The following DOCK7 variants were observed in gnomAD, a reference collection of about 807,000 sequenced individuals.
The protein encoded by DOCK7 is dedicator of cytokinesis protein 7.
A neutral mutation model predicts 271.0 loss-of-function variants in DOCK7; 138 were observed. The observed-to-expected ratio is 0.51, with a 90% confidence interval of 0.44 to 0.59. The LOEUF is 0.59. Among genes scored for constraint, DOCK7 ranks in the 20% least tolerant of loss-of-function variants. The probability of loss-of-function intolerance (pLI) is 0.00; values close to 1 mark genes in which losing one functional copy is unlikely to be tolerated. For missense variants in DOCK7, 2,066 were observed against 2,592.4 expected, an observed-to-expected ratio of 0.80 and a Z score of 4.41; for synonymous variants, 823 against 876.1, an observed-to-expected ratio of 0.94 and a Z score of 1.07.
intron 14 of DOCK7, among the ~76,000 whole-genome samples, chr1:62,602,758 C>G (rs1349163085): frequency 6.6e-6 from 1 of 151,354 alleles, no homozygotes; most frequent in East Asian, 1.9e-4. Flanking sequence ...CTCTCATTAA[C>G]GTTTTACATA....
At chr1:62,523,533 T>C (rs767648131) in intron 31 of DOCK7, among the ~76,000 whole-genome samples, 12 of 152,122 alleles carry the variant, frequency 7.9e-5, no homozygotes, top group Non-Finnish European at 1.0e-4. Context: ...AAATAAGATA[T>C]AGAAAATATT....
intron 1 of DOCK7, among the ~76,000 whole-genome samples, chr1:62,674,090 AAAC>A (rs1454745591): frequency 2.0e-5 from 3 of 152,226 alleles, no homozygotes; most frequent in Admixed American, 6.5e-5. Flanking sequence ...TAGAAATACT[AAAC>A]AAGTTCAGCA....
In DOCK7 at chr1:62,577,307, G is replaced by A; in HGVS notation, c.2067C>T (p.Val689=). 6.3e-7 allele frequency: 1 copy of A among 1,592,308 alleles called. No homozygotes were observed. The highest frequency in any genetic ancestry group is 8.6e-7 in the Non-Finnish European group (1 of 1,166,958). ...RLKTGQFCLP[V]SLEKPPQAYS... is the part of the protein sequence containing the mutation. The stretch of plus-strand genomic sequence containing the variant: ...AAGCCTGTGGTGGTTTTTCCAATGA[G>A]ACTGGCAAGCAAAACTGGCCAGTCT... Residue 689 remains valine, a synonymous_variant, in exon 18 of 50, where the codon GTC becomes GTT. Coordinates refer to ENST00000635253, the MANE Select transcript of DOCK7 (RefSeq NM_001367561.1).
chr1:62,525,093 C>T (rs1644967756), intron 31 of DOCK7, among the ~76,000 whole-genome samples: 1 of 151,416 alleles, frequency 6.6e-6, no homozygotes, highest in Admixed American at 6.6e-5. Context: ...GCAAACTCCA[C>T]CTCCCAGGTT....
At chr1:62,491,677 C>T (rs1646470205) in intron 41 of DOCK7, among the ~76,000 whole-genome samples, 1 of 152,218 alleles carries the variant, frequency 6.6e-6, no homozygotes, top group Non-Finnish European at 1.5e-5. Context: ...CTTTCTTGGA[C>T]ACCAGGGCAA....
intron 49 of DOCK7, among the ~76,000 whole-genome samples, chr1:62,456,402 C>T (rs976230274): frequency 6.6e-6 from 1 of 152,114 alleles, no homozygotes; most frequent in African/African-American, 2.4e-5. Flanking sequence ...TTTTACTTAT[C>T]CTTCGTGCCA....
chr1:62,495,518 A>C, intron 39 of DOCK7, 63 bp downstream of exon 39: 1 of 992,522 alleles, frequency 1.0e-6, no homozygotes, highest in Non-Finnish European at 1.4e-6. Flanking sequence ...TTTTCATCTA[A>C]TGCTTACTGT....
rs961885360 is a variant in DOCK7, at chr1:62,454,778, C to A, written c.*636G>T. ...AGGTGTTGTCACTGGTATTAGTTATCCCCGTATTTAAATTATTTTACACAA... is the reference window on the plus strand; with the variant it reads ...AGGTGTTGTCACTGGTATTAGTTATACCCGTATTTAAATTATTTTACACAA... On this transcript the variant is annotated 3_prime_UTR_variant, in exon 50 of 50. Transcript: ENST00000635253. The A allele has an allele frequency of 6.3e-6, 1 of 159,264 alleles. No individual in the cohort carries two copies. Among genetic ancestry groups the A allele is most frequent in the Admixed American group, 6.5e-5 (1 of 15,498 alleles). The allele number at this position is 159,264 out of a possible 1,614,324, so 9.9% of individuals were successfully genotyped here. A position where few individuals can be genotyped will look rare whatever the true frequency, so the allele number is the denominator to read the frequency against.
chr1:62,531,255 A>G (rs1292992404), intron 29 of DOCK7, among the ~76,000 whole-genome samples: 1 of 152,206 alleles, frequency 6.6e-6, no homozygotes, highest in African/African-American at 2.4e-5. Context: ...AGCAGCTACC[A>G]TACTCATACT....
intron 14 of DOCK7, among the ~76,000 whole-genome samples, chr1:62,600,481 A>G (rs1035456392): frequency 2.6e-5 from 4 of 151,810 alleles, no homozygotes; most frequent in African/African-American, 4.8e-5. Context: ...CTTACTGTCA[A>G]TGAGAAAAAC....
At chr1:62,459,168 C>A (rs1340185960) in intron 48 of DOCK7, 1 of 151,646 alleles carries the variant, frequency 6.6e-6, no homozygotes, top group South Asian at 2.1e-4. Context: ...GGTCAAATAT[C>A]CCCTACCAGA....
chr1:62,597,616 C>G (rs758931786), intron 14 of DOCK7: 61 of 1,612,814 alleles, frequency 3.8e-5, no homozygotes, highest in Non-Finnish European at 4.9e-5. Context: ...GTTATTTCCT[C>G]CAGAATTGAT....
chr1:62,563,453 C>A (rs1191220718), intron 18 of DOCK7, among the ~76,000 whole-genome samples: 1 of 151,916 alleles, frequency 6.6e-6, no homozygotes, highest in Non-Finnish European at 1.5e-5. Context: ...GATTTTAAAG[C>A]AGGTATCATT....
At chr1:62,501,895 T>A (rs1239714042) in intron 37 of DOCK7, among the ~76,000 whole-genome samples, 1 of 152,140 alleles carries the variant, frequency 6.6e-6, no homozygotes, top group Non-Finnish European at 1.5e-5. Flanking sequence ...TTTAATATAA[T>A]CTTTTAGCTT....
At chr1:62,654,211 A>G (rs1312827060) in intron 2 of DOCK7, 52 bp from the exon 3 acceptor site, 2 of 1,495,950 alleles carry the variant, frequency 1.3e-6, no homozygotes, top group Non-Finnish European at 9.0e-7. Context: ...GGTGAATGTA[A>G]TAATTTTAAA....
At chr1:62,671,966 CAAA>C (rs11300118) in intron 1 of DOCK7, among the ~76,000 whole-genome samples, 2 of 141,714 alleles carry the variant, frequency 1.4e-5, no homozygotes. Context: ...AAAATGAAGA[CAAA>C]AAAAAAAAAA....
At chr1:62,465,764 C>G (rs1184390424) in intron 48 of DOCK7, among the ~76,000 whole-genome samples, 1 of 152,138 alleles carries the variant, frequency 6.6e-6, no homozygotes, top group Non-Finnish European at 1.5e-5. Flanking sequence ...CTTGGCCAGG[C>G]TGGTCTTGAA....
chr1:62,471,230 A>C (rs1467424907), intron 48 of DOCK7, among the ~76,000 whole-genome samples: 3 of 152,120 alleles, frequency 2.0e-5, no homozygotes, highest in African/African-American at 7.2e-5. Flanking sequence ...CTATTAGTTA[A>C]GTTTCTGGGG....
intron 1 of DOCK7, among the ~76,000 whole-genome samples, chr1:62,673,656 T>C (rs763213397): frequency 1.3e-5 from 2 of 152,204 alleles, no homozygotes; most frequent in Non-Finnish European, 2.9e-5. Context: ...AGAGCTGCCT[T>C]ACCCATAAAC....
Sources: allele counts gnomAD v4.1 joint callset (sites outside exome capture counted in the v4.1 genomes callset), GRCh38; gene constraint gnomAD v4.1.1; transcripts MANE v1.5; gene names NCBI Gene and HGNC (gene_info 2026-07-23, HGNC 2026-07-21).